STARD8: variants seen among roughly 807,000 people sequenced by gnomAD.
STARD8 encodes StAR related lipid transfer domain containing 8.
Under a neutral mutation model 69.4 loss-of-function variants are expected in STARD8, and 25 were observed. That is an observed-to-expected ratio of 0.36 (90% CI 0.26 to 0.50). The LOEUF is 0.50. Ranked by LOEUF, STARD8 falls within the 20% of genes least tolerant of loss-of-function variation. STARD8 has a pLI of 0.96. For missense variants in STARD8, 921 were observed against 932.5 expected, an observed-to-expected ratio of 0.99 and a Z score of 0.16; for synonymous variants, 389 against 374.6, an observed-to-expected ratio of 1.04 and a Z score of -0.45.
At position 68,669,019 on chromosome X, in the gene STARD8, G is replaced by A. The variant is rs745802478; in HGVS notation, c.79+3487G>A. Among the ~76,000 whole-genome samples, 339 of 111,299 alleles carry A rather than the reference G, an allele frequency of 3.0e-3. 3 individuals carry two copies. The highest frequency in any genetic ancestry group is 0.011 in the African/African-American group (328 of 30,572). On this transcript the variant is annotated intron_variant, in intron 2 of 14. Transcript: ENST00000374599. ...AAACACTGAGAAACACAGAGCTAGC[G>A]GTAGTAAAACCAGCAGCTCAGGAGG...
At chrX:68,663,738 C>T (rs2079664949) in intron 1 of STARD8, among the ~76,000 whole-genome samples, 1 of 112,001 alleles carries the variant, frequency 8.9e-6, no homozygotes, top group African/African-American at 3.3e-5. Context: ...CTTCTTTCCT[C>T]CCCCTTTGTC....
chrX:68,678,911 C>A (rs1478335579), intron 2 of STARD8, among the ~76,000 whole-genome samples: 1 of 112,314 alleles, frequency 8.9e-6, no homozygotes, highest in Admixed American at 9.4e-5. Flanking sequence ...CATTTTGCCC[C>A]TCATTAGTTG....
At chrX:68,720,860 C>T in intron 8 of STARD8, 64 bp from the exon 9 acceptor site, 1 of 1,083,194 alleles carries the variant, frequency 9.2e-7, no homozygotes, top group Non-Finnish European at 1.3e-6. Context: ...CTAGGGCTGG[C>T]CTCACAGTCT....
At chrX:68,711,991 C>A (rs1483625649) in intron 2 of STARD8, among the ~76,000 whole-genome samples, 2 of 112,803 alleles carry the variant, frequency 1.8e-5, no homozygotes, top group African/African-American at 6.4e-5. Context: ...CAGGCAGGTG[C>A]AGGGCTTTGC....
At chrX:68,704,578 G>T (rs1369260242) in intron 2 of STARD8, among the ~76,000 whole-genome samples, 2 of 111,631 alleles carry the variant, frequency 1.8e-5, no homozygotes, top group Non-Finnish European at 3.8e-5. Context: ...TGATGGAAAA[G>T]TTGGTAGAAT....
In STARD8 at chrX:68,719,360, G is replaced by A. The variant is rs2080127353; in HGVS notation, c.1851G>A (p.Met617Ile). The A allele has an allele frequency of 8.3e-7, 1 of 1,200,766 alleles. No homozygotes were observed. Residue 617 changes from methionine (M) to isoleucine (I), a missense_variant, in exon 7 of 15, where the codon ATG (methionine) becomes ATA (isoleucine). By Grantham distance (10) the Met-to-Ile change is conservative. Coordinates refer to ENST00000374599, the MANE Select transcript of STARD8 (RefSeq NM_001142503.3). ...CACTGCTGCGGCTTACCGCGTTCAT[G>A]GAGAAGTACACTGTGCCCCACAAGC... is the stretch of plus-strand genomic sequence containing the variant. ...KGSLLRLTAF[M>I]EKYTVPHKQG...
At chrX:68,723,532 C>A (rs2147942256) in intron 12 of STARD8, 94 bp from the exon 13 acceptor site, 1 of 805,202 alleles carries the variant, frequency 1.2e-6, no homozygotes, top group South Asian at 2.6e-5. Context: ...CCTATTAAGC[C>A]TCAGGCCCTG....
chrX:68,687,618 C>A (rs1188676806), intron 2 of STARD8, among the ~76,000 whole-genome samples: 2 of 112,232 alleles, frequency 1.8e-5, no homozygotes, highest in Non-Finnish European at 3.8e-5. Context: ...AACAGACTCT[C>A]TGATTGTACT....
At position 68,703,766 on chromosome X, in the gene STARD8, G is replaced by A. The variant is rs184517370; in HGVS notation, c.80-9148G>A. On this transcript the variant is annotated intron_variant, in intron 2 of 14. Coordinates refer to ENST00000374599, the MANE Select transcript of STARD8 (RefSeq NM_001142503.3). The stretch of plus-strand genomic sequence containing the variant: ...TGCCAAGACTTTCCAGACCAAGAGA[G>A]GGAGGCAGGAGGTAGGCATGCCCCT... Among the ~76,000 whole-genome samples, 16 of 111,969 alleles carry A rather than the reference G, an allele frequency of 1.4e-4. No individual in the cohort carries two copies. In the East Asian group the frequency reaches 4.3e-3, roughly 30 times the overall value.
intron 2 of STARD8, among the ~76,000 whole-genome samples, chrX:68,686,331 C>A (rs758235270): frequency 3.6e-5 from 4 of 112,456 alleles, no homozygotes; most frequent in African/African-American, 9.7e-5. Flanking sequence ...CCGGGCTCCC[C>A]GCGGATTCGC....
At chrX:68,699,289 G>C (rs1367829045) in intron 2 of STARD8, among the ~76,000 whole-genome samples, 1 of 112,351 alleles carries the variant, frequency 8.9e-6, no homozygotes, top group Non-Finnish European at 1.9e-5. Context: ...AGGACCTTTA[G>C]AGGGCACTAG....
chrX:68,647,706 A>C lies in STARD8; in HGVS notation c.-177A>C. 1 of 542,958 alleles carries C rather than the reference A, an allele frequency of 1.8e-6. No homozygotes were observed. The highest frequency in any genetic ancestry group is 4.1e-5 in the East Asian group (1 of 24,319). The allele number at this position is 542,958 out of a possible 1,213,427, so 44.7% of individuals were successfully genotyped here. A position where few individuals can be genotyped will look rare whatever the true frequency, so the allele number is the denominator to read the frequency against. On this transcript the variant is annotated 5_prime_UTR_variant, in exon 1 of 15. Transcript: ENST00000374599. Reference sequence around the variant, plus strand: ...GGCGGGAGGCGCCCGCTGTCGAGGCAGCTGAGCCCCGGCAACCGCTGCTCT... The same window carrying C: ...GGCGGGAGGCGCCCGCTGTCGAGGCCGCTGAGCCCCGGCAACCGCTGCTCT...
intron 2 of STARD8, among the ~76,000 whole-genome samples, chrX:68,668,905 A>G (rs886717593): frequency 2.7e-5 from 3 of 111,884 alleles, no homozygotes; most frequent in African/African-American, 9.8e-5. Flanking sequence ...CACTAGTTAC[A>G]TTTTTCCTAA....
chrX:68,664,522 A>G (rs2079670984), intron 1 of STARD8, among the ~76,000 whole-genome samples: 1 of 111,463 alleles, frequency 9.0e-6, no homozygotes, highest in South Asian at 3.8e-4. Context: ...TTCTCTCTTC[A>G]CCATCCGCCT....
chrX:68,679,317 C>T (rs970919068), intron 2 of STARD8, among the ~76,000 whole-genome samples: 2 of 111,541 alleles, frequency 1.8e-5, no homozygotes, highest in African/African-American at 3.3e-5. Context: ...ACTCCTGGCT[C>T]AGTGTTCCCT....
At chrX:68,660,936 G>A (rs911939649) in intron 1 of STARD8, among the ~76,000 whole-genome samples, 1 of 112,119 alleles carries the variant, frequency 8.9e-6, no homozygotes, top group African/African-American at 3.2e-5. Context: ...GCTGTGAATA[G>A]GGCTCTGTGT....
rs954430316 is a variant in STARD8, at chrX:68,706,916, C to T, written c.80-5998C>T. ...AGAAATGATCTGAGAAGCAGTTTGC[C>T]AGGGCCTAGCATTTCTGAGCAGCAG... On this transcript the variant is annotated intron_variant, in intron 2 of 14. Coordinates refer to ENST00000374599, the MANE Select transcript of STARD8 (RefSeq NM_001142503.3). 1.5e-4 allele frequency among the ~76,000 whole-genome samples: 17 copies of T among 113,073 alleles called. 1 individual carries two copies. The highest frequency in any genetic ancestry group is 1.4e-3 in the Admixed American group (15 of 10,812).
intron 2 of STARD8, among the ~76,000 whole-genome samples, chrX:68,688,748 C>T (rs1449190967): frequency 9.1e-6 from 1 of 109,456 alleles, no homozygotes; most frequent in Admixed American, 9.7e-5. Flanking sequence ...CTCCCCTTCC[C>T]TGCCTTTCCC....
At position 68,723,810 on chromosome X, in the gene STARD8, C is replaced by A. The variant is rs200215217; in HGVS notation, c.2984C>A (p.Ala995Glu). The change falls in exon 13 of 15, where the codon GCA becomes GAA. Residue 995 changes from alanine (A) to glutamate (E), a missense_variant. Physicochemically the swap from Ala to Glu is moderately radical, Grantham distance 107. Transcript: ENST00000374599. Reference sequence around the variant, plus strand: ...TACCACTATGTCACCGACAGCATGGCACCCCATCCCTGCCGCGACTTTGTG... The same window carrying A: ...TACCACTATGTCACCGACAGCATGGAACCCCATCCCTGCCGCGACTTTGTG... ...ELYHYVTDSM[A>E]PHPCRDFVVL... 8.4e-7 allele frequency: 1 copy of A among 1,184,365 alleles called. No individual in the cohort carries two copies. Among genetic ancestry groups the A allele is most frequent in the East Asian group, 3.1e-5 (1 of 32,016 alleles).
Sources: gnomAD v4.1 joint callset for allele counts (sites outside exome capture counted in the v4.1 genomes callset) on GRCh38, gnomAD v4.1.1 for gene constraint, MANE v1.5 for transcripts, NCBI Gene and HGNC (gene_info 2026-07-23, HGNC 2026-07-21) for gene names.